The following ABCC11 variants were observed in gnomAD, a reference collection of about 807,000 sequenced individuals.
ABCC11 encodes the protein ATP binding cassette subfamily C member 11, also known as ATP-binding cassette sub-family C member 11.
ABCC11 carries 135 observed loss-of-function variants against 149.3 expected under a neutral mutation model. The ratio of observed to expected loss-of-function variants is 0.90; its 90% confidence interval spans 0.79 to 1.04. The LOEUF is 1.04. ABCC11 is among the 50% of genes least tolerant of loss of function. The probability of loss-of-function intolerance (pLI) is 0.00; values close to 1 mark genes in which losing one functional copy is unlikely to be tolerated. For missense variants in ABCC11, 1,680 were observed against 1,722.1 expected (o/e 0.98, Z 0.43); for synonymous variants, 665 against 671.4 (o/e 0.99, Z 0.15).
intron 20 of ABCC11, among the ~76,000 whole-genome samples, chr16:48,188,030 T>C (rs1966841180): frequency 6.6e-6 from 1 of 152,184 alleles, no homozygotes; most frequent in Non-Finnish European, 1.5e-5. Flanking sequence ...GGGTCATCAA[T>C]GACTTGATGA....
At chr16:48,208,090 G>C (rs1433913719) in intron 12 of ABCC11, among the ~76,000 whole-genome samples, 2 of 152,028 alleles carry the variant, frequency 1.3e-5, no homozygotes, top group Non-Finnish European at 2.9e-5. Context: ...GTGTGGAAGA[G>C]AGACTAGACT....
intron 22 of ABCC11, 125 bp downstream of exon 22, chr16:48,186,828 G>A (rs996113905): frequency 4.2e-6 from 5 of 1,203,462 alleles, no homozygotes; most frequent in Non-Finnish European, 4.6e-6. Context: ...AGAGAAATAC[G>A]TCCATCGAAC....
At chr16:48,225,990 A>G (rs1223332625) in intron 4 of ABCC11, among the ~76,000 whole-genome samples, 1 of 152,200 alleles carries the variant, frequency 6.6e-6, no homozygotes, top group Non-Finnish European at 1.5e-5. Flanking sequence ...GAGATCTTGT[A>G]CTCACAATGG....
rs145115472 is a variant in ABCC11 at position 48,222,672 on chromosome 16, G to T, written c.703C>A (p.Arg235=). 139 of 1,614,186 alleles carry T rather than the reference G, an allele frequency of 8.6e-5. No homozygotes were observed. The African/African-American group carries it at 1.5e-3, about 17-fold the overall frequency. The change falls in exon 6 of 30, where the codon CGA becomes AGA. Residue 235 remains arginine, a synonymous_variant. Coordinates refer to ENST00000356608, the MANE Select transcript of ABCC11 (RefSeq NM_001370497.1). ...AAGGCAAAGGAGGAAACAGCTGCTC[G>T]GAACCTGATGGCTGTGCGTTGGTTG... ...IINQRTAIRF[R]AAVSSFAFEK...
At chr16:48,225,183 A>G (rs1420814230) in intron 4 of ABCC11, among the ~76,000 whole-genome samples, 2 of 152,190 alleles carry the variant, frequency 1.3e-5, no homozygotes, top group Non-Finnish European at 1.5e-5. Context: ...ACTGCACTCC[A>G]GCCTGGGCGA....
chr16:48,199,618 G>C (rs565109472), intron 15 of ABCC11, among the ~76,000 whole-genome samples: 1 of 151,716 alleles, frequency 6.6e-6, no homozygotes, highest in South Asian at 2.1e-4. Context: ...GGGAGACTTG[G>C]GGAATTCTTT....
chr16:48,244,452 G>A, intron 1 of ABCC11: 2 of 1,595,378 alleles, frequency 1.3e-6, no homozygotes, highest in Non-Finnish European at 1.7e-6. Context: ...CCACGAGGGC[G>A]TCCTGCTGCC....
At chr16:48,194,121 G>A (rs1422973456) in intron 18 of ABCC11, 139 bp from the exon 19 acceptor site, 3 of 583,000 alleles carry the variant, frequency 5.1e-6, no homozygotes, top group African/African-American at 1.9e-5. Flanking sequence ...TGGAGGAATG[G>A]GAAGAGCTGG....
chr16:48,211,056 G>A lies in ABCC11; in HGVS notation c.1500C>T (p.Asn500=), dbSNP rs757942450. 101 of 1,614,174 alleles carry A rather than the reference G, an allele frequency of 6.3e-5. 1 individual carries two copies. The Admixed American group carries it at 1.2e-3, about 19-fold the overall frequency. The change falls in exon 11 of 30, where the codon AAC becomes AAT. Residue 500 remains asparagine (N), a synonymous_variant. Coordinates refer to ENST00000356608, the MANE Select transcript of ABCC11 (RefSeq NM_001370497.1). ...TGGTCATCCCCTCAGAAGCATGCCC[G>A]TTCCTCTCCAGCTCCAGTGCCCCAT... ...IVNGALELER[N]GHASEGMTRP...
intron 13 of ABCC11, among the ~76,000 whole-genome samples, chr16:48,203,813 T>C (rs531655672): frequency 6.6e-6 from 1 of 152,278 alleles, no homozygotes; most frequent in African/African-American, 2.4e-5. Flanking sequence ...AAGGTTGCAG[T>C]AAGCCAAGAT....
At chr16:48,168,116 A>G (rs1274590670) in intron 28 of ABCC11, among the ~76,000 whole-genome samples, 2 of 152,196 alleles carry the variant, frequency 1.3e-5, no homozygotes, top group African/African-American at 4.8e-5. Context: ...GGAAACTGTA[A>G]CTCACACTGA....
At chr16:48,170,859 G>A in intron 27 of ABCC11, 30 bp downstream of exon 27, 1 of 1,589,668 alleles carries the variant, frequency 6.3e-7, no homozygotes, top group Non-Finnish European at 8.6e-7. Flanking sequence ...TGCAGACTTA[G>A]ACCAAGACTT....
At chr16:48,214,457 A>T (rs8057475) in intron 9 of ABCC11, among the ~76,000 whole-genome samples, 33,635 of 151,966 alleles carry the variant, frequency 0.22, 4,784 homozygotes, top group African/African-American at 0.4. Context: ...CTCAAAGAGC[A>T]GGGATTCCTA....
At chr16:48,204,221 G>A (rs909036488) in intron 13 of ABCC11, among the ~76,000 whole-genome samples, 20 of 152,210 alleles carry the variant, frequency 1.3e-4, no homozygotes, top group Middle Eastern at 3.2e-3. Flanking sequence ...ATTTCTGTAT[G>A]AGTTCTATCA....
In ABCC11 at chr16:48,203,246, G is replaced by C. The variant is rs113439369; in HGVS notation, c.1860C>G (p.Pro620=). The C allele has an allele frequency of 2.5e-5, 39 of 1,579,616 alleles. No homozygotes were observed. The highest frequency in any genetic ancestry group is 1.3e-4 in the African/African-American group (10 of 74,558). The change falls in exon 14 of 30, where the codon CCC becomes CCG. Residue 620 remains proline (P), a synonymous_variant. Coordinates refer to ENST00000356608, the MANE Select transcript of ABCC11 (RefSeq NM_001370497.1). The stretch of plus-strand genomic sequence containing the variant: ...CTCTCACCTCTGTCATGTCTCCAAA[G>C]GGCAGAAGTTCCAGGTCCCGATTCA... ...CSLNRDLELL[P]FGDMTEIGER...
intron 15 of ABCC11, 147 bp from the exon 16 acceptor site, chr16:48,198,422 C>A: frequency 1.1e-6 from 1 of 904,760 alleles, no homozygotes; most frequent in Non-Finnish European, 1.6e-6. Context: ...TGGACAACTC[C>A]AAGTGTTGGT....
rs144470174 is a variant in ABCC11, at chr16:48,240,496, G to A, written c.-19+6818C>T. Among the ~76,000 whole-genome samples, 740 of 152,084 alleles carry A rather than the reference G, an allele frequency of 4.9e-3. 2 individuals are homozygous for A. Among genetic ancestry groups the A allele is most frequent in the Non-Finnish European group, 7.3e-3 (495 of 67,982 alleles). On this transcript the variant is annotated intron_variant, in intron 1 of 29. Coordinates refer to ENST00000356608, the MANE Select transcript of ABCC11 (RefSeq NM_001370497.1). ...GGATGAGAACACATGGTCACATGGCGGGGGAACAACACAATGTGGCCTGAT... is the reference window on the plus strand; with the variant it reads ...GGATGAGAACACATGGTCACATGGCAGGGGAACAACACAATGTGGCCTGAT...
intron 1 of ABCC11, among the ~76,000 whole-genome samples, chr16:48,240,572 G>T (rs1251660584): frequency 2.0e-5 from 3 of 152,064 alleles, no homozygotes; most frequent in African/African-American, 7.2e-5. Flanking sequence ...GCTAATGGAT[G>T]CTGGGCTTAA....
chr16:48,195,409 G>C (rs760212034), intron 18 of ABCC11, among the ~76,000 whole-genome samples: 1 of 152,198 alleles, frequency 6.6e-6, no homozygotes, highest in Non-Finnish European at 1.5e-5. Context: ...CATGGTGGAC[G>C]GGGTGGGGAC....
Sources: allele counts gnomAD v4.1 joint callset (sites outside exome capture counted in the v4.1 genomes callset), GRCh38; gene constraint gnomAD v4.1.1; transcripts MANE v1.5; gene names NCBI Gene and HGNC (gene_info 2026-07-23, HGNC 2026-07-21).